The following SRGAP1 variants were observed in gnomAD, a reference collection of about 807,000 sequenced individuals.
SRGAP1 encodes the protein SLIT-ROBO Rho GTPase activating protein 1.
A neutral mutation model predicts 121.9 loss-of-function variants in SRGAP1; 43 were observed. The observed-to-expected ratio is 0.35, with a 90% CI of 0.28 to 0.46. The LOEUF (loss-of-function observed/expected upper bound fraction) is 0.46, where lower values mean the gene tolerates loss of function less well. Among genes scored for constraint, SRGAP1 ranks in the 20% least tolerant of loss-of-function variants. The probability of loss-of-function intolerance (pLI) is 1.00; values close to 1 mark genes in which losing one functional copy is unlikely to be tolerated. For missense variants in SRGAP1, 1,102 were observed against 1,350.9 expected, an observed-to-expected ratio of 0.82 and a Z score of 2.89; for synonymous variants, 447 against 485.4, an observed-to-expected ratio of 0.92 and a Z score of 1.04.
Position 64,120,056 on chromosome 12 carries a change from C to T in SRGAP1, c.2224+4163C>T, listed in dbSNP as rs539165817. Among the ~76,000 whole-genome samples, 7 of 152,228 alleles carry T rather than the reference C, an allele frequency of 4.6e-5. No individual in the cohort carries two copies. In the East Asian group the frequency reaches 1.4e-3, roughly 29 times the overall value. ...AAAGTGCTGGGATTACAGGTGTGAG[C>T]CACTGTGCCCAGCCTTTAAATATTA... On this transcript the variant is annotated intron_variant, in intron 18 of 21. Coordinates refer to ENST00000355086, the MANE Select transcript of SRGAP1 (RefSeq NM_020762.4).
chr12:64,079,888 A>G (rs1458092626), intron 9 of SRGAP1, among the ~76,000 whole-genome samples: 2 of 152,138 alleles, frequency 1.3e-5, no homozygotes, highest in Non-Finnish European at 2.9e-5. Context: ...GGCGTCTAGA[A>G]GATCAAAGTG....
chr12:64,118,575 TTTTG>T (rs972309412), intron 18 of SRGAP1, among the ~76,000 whole-genome samples: 2 of 152,030 alleles, frequency 1.3e-5, no homozygotes, highest in Non-Finnish European at 1.5e-5. Flanking sequence ...ATTTGTTACC[TTTTG>T]TTTGTTTTGT....
chr12:64,142,308 C>T lies in SRGAP1; in HGVS notation c.2894C>T (p.Thr965Met), dbSNP rs769917911. 6.2e-6 allele frequency: 10 copies of T among 1,612,898 alleles called. No individual in the cohort carries two copies. The highest frequency in any genetic ancestry group is 1.7e-5 in the Admixed American group (1 of 59,934). The change falls in exon 22 of 22, where the codon ACG becomes ATG. Residue 965 changes from threonine (T) to methionine (M), a missense_variant. Thr to Met is a moderately conservative substitution (Grantham distance 81). Around this residue, in one of 3 missense-constraint regions of SRGAP1, gnomAD observed 315 missense variants for 343.1 expected, o/e 0.92. Transcript: ENST00000355086. ...ATTCTTCAATAGGATATTGAAGAAACGATGAACACAGCTTTGAATGAACTC... is the reference window on the plus strand; with the variant it reads ...ATTCTTCAATAGGATATTGAAGAAATGATGAACACAGCTTTGAATGAACTC... ...PETIAQDIEE[T>M]MNTALNELRE...
At chr12:64,053,735 G>A (rs1320620741) in intron 6 of SRGAP1, among the ~76,000 whole-genome samples, 4 of 152,052 alleles carry the variant, frequency 2.6e-5, no homozygotes, top group African/African-American at 9.7e-5. Context: ...AAATATCAGT[G>A]ATAATTATTA....
intron 1 of SRGAP1, among the ~76,000 whole-genome samples, chr12:63,926,672 G>T (rs539110258): frequency 6.6e-6 from 1 of 151,976 alleles, no homozygotes; most frequent in Non-Finnish European, 1.5e-5. Context: ...ATATCACCTC[G>T]ATTACCTATC....
At chr12:64,049,870 C>T (rs2035206291) in intron 6 of SRGAP1, among the ~76,000 whole-genome samples, 1 of 151,982 alleles carries the variant, frequency 6.6e-6, no homozygotes, top group Non-Finnish European at 1.5e-5. Context: ...GCTTTGGCTA[C>T]TGGAGGTTTT....
At chr12:63,877,030 C>T (rs1900050621) in intron 1 of SRGAP1, among the ~76,000 whole-genome samples, 1 of 152,098 alleles carries the variant, frequency 6.6e-6, no homozygotes, top group South Asian at 2.1e-4. Flanking sequence ...TTAAGACTAG[C>T]CTGGCTAACA....
intron 1 of SRGAP1, among the ~76,000 whole-genome samples, chr12:63,935,477 A>C (rs1049892572): frequency 6.6e-6 from 1 of 152,198 alleles, no homozygotes; most frequent in Admixed American, 6.5e-5. Context: ...TTTTCTGAGA[A>C]TCATATGTTC....
At chr12:64,091,970 A>G (rs1364942994) in intron 12 of SRGAP1, 3 of 1,489,384 alleles carry the variant, frequency 2.0e-6, no homozygotes, top group Non-Finnish European at 2.7e-6. Context: ...CACTGTTGGT[A>G]TCATTTTCAA....
In SRGAP1 at chr12:63,859,003, G is replaced by A. The variant is rs371727176; in HGVS notation, c.67+14120G>A. On this transcript the variant is annotated intron_variant, in intron 1 of 21. Coordinates refer to ENST00000355086, the MANE Select transcript of SRGAP1 (RefSeq NM_020762.4). ...CAGGCGTGAGCCACTGTGCCTGGCC[G>A]ATAAATTATATTTTTCTAGAAATGT... is the stretch of plus-strand genomic sequence containing the variant. Among the ~76,000 whole-genome samples, 607 of 151,976 alleles carry A rather than the reference G, an allele frequency of 4.0e-3. 3 individuals carry two copies. The highest frequency in any genetic ancestry group is 0.013 in the African/African-American group (560 of 41,492).
chr12:63,934,563 C>T (rs1435324975), intron 1 of SRGAP1, among the ~76,000 whole-genome samples: 1 of 152,098 alleles, frequency 6.6e-6, no homozygotes, highest in East Asian at 1.9e-4. Flanking sequence ...ATATTTTTGT[C>T]TATTTTCATA....
At chr12:63,995,697 T>C (rs1374085212) in intron 3 of SRGAP1, among the ~76,000 whole-genome samples, 1 of 152,134 alleles carries the variant, frequency 6.6e-6, no homozygotes, top group Admixed American at 6.6e-5. Context: ...GAATAACCCC[T>C]CTTTGGCATA....
intron 3 of SRGAP1, among the ~76,000 whole-genome samples, chr12:64,010,581 C>T (rs1424808429): frequency 6.6e-6 from 1 of 152,106 alleles, no homozygotes; most frequent in Non-Finnish European, 1.5e-5. Flanking sequence ...AGATGTAGCT[C>T]CTGTACCTCC....
chr12:63,955,569 G>C (rs1342050439), intron 1 of SRGAP1, among the ~76,000 whole-genome samples: 2 of 152,078 alleles, frequency 1.3e-5, no homozygotes, highest in African/African-American at 4.8e-5. Flanking sequence ...AACTTTAAGA[G>C]AGACTCCACT....
intron 14 of SRGAP1, among the ~76,000 whole-genome samples, chr12:64,095,997 G>A (rs1003895870): frequency 2.0e-5 from 3 of 152,106 alleles, no homozygotes; most frequent in Admixed American, 6.5e-5. Flanking sequence ...GGGTCAAGTC[G>A]CTCAATTCCT....
intron 3 of SRGAP1, among the ~76,000 whole-genome samples, chr12:64,015,831 G>A (rs966734427): frequency 1.3e-5 from 2 of 152,114 alleles, no homozygotes; most frequent in African/African-American, 2.4e-5. Flanking sequence ...TGTTGTTAAT[G>A]TTGCAAACTG....
chr12:64,019,283 G>A (rs1336019166), intron 4 of SRGAP1, among the ~76,000 whole-genome samples: 1 of 152,170 alleles, frequency 6.6e-6, no homozygotes. Flanking sequence ...GTTCAAGTGA[G>A]TAAGCTGACA....
chr12:63,914,751 C>A (rs2030702894), intron 1 of SRGAP1, among the ~76,000 whole-genome samples: 1 of 152,152 alleles, frequency 6.6e-6, no homozygotes, highest in African/African-American at 2.4e-5. Flanking sequence ...TGTCTAAAAA[C>A]CATTCCCTCT....
At chr12:64,000,426 T>C (rs1190239128) in intron 3 of SRGAP1, among the ~76,000 whole-genome samples, 2 of 151,742 alleles carry the variant, frequency 1.3e-5, no homozygotes, top group African/African-American at 4.8e-5. Flanking sequence ...GTGGGCAACA[T>C]AGCAAGACAT....
Sources: allele counts gnomAD v4.1 joint callset (sites outside exome capture counted in the v4.1 genomes callset), GRCh38; gene constraint gnomAD v4.1.1; regional missense constraint gnomAD v4.1.1; transcripts MANE v1.5; gene names NCBI Gene and HGNC (gene_info 2026-07-23, HGNC 2026-07-21).